C12orf42: variants seen among roughly 807,000 people sequenced by gnomAD.
C12orf42 encodes uncharacterized protein C12orf42.
In C12orf42, 25 loss-of-function variants were observed where a neutral mutation model predicts 21.6. The ratio of observed to expected loss-of-function variants is 1.16; its 90% CI spans 0.84 to 1.62. The LOEUF is 1.62. Among genes scored for constraint, C12orf42 ranks in the 40% most tolerant of loss-of-function variants. The pLI is 0.00. For synonymous variants in C12orf42, 174 were observed against 175.0 expected, an observed-to-expected ratio of 0.99 and a Z score of 0.05; for missense variants, 483 against 459.3, an observed-to-expected ratio of 1.05 and a Z score of -0.47.
chr12:103,061,747 G>A, the C12orf42 span, among the ~76,000 whole-genome samples: 2 of 151,302 alleles, frequency 1.3e-5, no homozygotes, highest in Non-Finnish European at 2.9e-5. Context: ...TTAATCTCAA[G>A]TGACATTATA....
intron 4 of C12orf42, among the ~76,000 whole-genome samples, chr12:103,355,550 G>A (rs1012349548): frequency 9.2e-5 from 14 of 152,002 alleles, no homozygotes; most frequent in Middle Eastern, 3.2e-3. Flanking sequence ...ATGGGAATTC[G>A]ATTATCCAGT....
At chr12:103,106,567 G>A in the C12orf42 span, among the ~76,000 whole-genome samples, 2 of 151,742 alleles carry the variant, frequency 1.3e-5, no homozygotes, top group Non-Finnish European at 2.9e-5. Flanking sequence ...GAGGGAATGT[G>A]GGGATATTGT....
chr12:103,491,355 C>T (rs1955173084), intron 1 of C12orf42, among the ~76,000 whole-genome samples: 1 of 152,170 alleles, frequency 6.6e-6, no homozygotes, highest in South Asian at 2.1e-4. Flanking sequence ...TGTACTATAA[C>T]AAGAGGAAAC....
At chr12:103,293,173 T>G (rs549189804) in intron 4 of C12orf42, among the ~76,000 whole-genome samples, 27 of 152,114 alleles carry the variant, frequency 1.8e-4, no homozygotes, top group Non-Finnish European at 3.5e-4. Context: ...TTCCCTTCCC[T>G]TTCAGGAACC....
At chr12:103,467,194 G>A (rs192796718) in intron 2 of C12orf42, among the ~76,000 whole-genome samples, 159 of 152,284 alleles carry the variant, frequency 1.0e-3, no homozygotes, top group Non-Finnish European at 1.3e-3. Flanking sequence ...GAGATCCCAT[G>A]TACTTACAAG....
chr12:103,090,512 G>A, the C12orf42 span, among the ~76,000 whole-genome samples: 1 of 152,178 alleles, frequency 6.6e-6, no homozygotes, highest in African/African-American at 2.4e-5. Context: ...CCACCTCATA[G>A]AGGTGTTGAG....
chr12:103,141,933 T>A, the C12orf42 span, among the ~76,000 whole-genome samples: 1 of 152,204 alleles, frequency 6.6e-6, no homozygotes, highest in Admixed American at 6.5e-5. Flanking sequence ...TGAAATTTTC[T>A]GTAATAAAAT....
Position 103,463,258 on chromosome 12 carries a change from C to G in C12orf42, c.78+15091G>C, listed in dbSNP as rs1440988384. The stretch of plus-strand genomic sequence containing the variant: ...CTGAACCCTTCCTCTTCTAGTTCTC[C>G]TTAACTTCCCTAAATAAATATTTTA... On this transcript the variant is annotated intron_variant, in intron 2 of 5. Transcript: ENST00000548883. Among the ~76,000 whole-genome samples, 3 of 152,156 alleles carry G rather than the reference C, an allele frequency of 2.0e-5. No individual in the cohort carries two copies. The East Asian group carries it at 5.8e-4, about 29-fold the overall frequency.
At chr12:103,452,778 A>G (rs939767786) in intron 2 of C12orf42, among the ~76,000 whole-genome samples, 1 of 152,124 alleles carries the variant, frequency 6.6e-6, no homozygotes, top group Non-Finnish European at 1.5e-5. Context: ...TCACAAGGAC[A>G]AAAAACCAAA....
intron 3 of C12orf42, among the ~76,000 whole-genome samples, chr12:103,391,851 T>C (rs1292349841): frequency 6.6e-6 from 1 of 152,158 alleles, no homozygotes; most frequent in Non-Finnish European, 1.5e-5. Context: ...AATTTATCTA[T>C]ATTTTCTTTT....
chr12:103,193,317 T>C, the C12orf42 span, among the ~76,000 whole-genome samples: 14 of 151,346 alleles, frequency 9.3e-5, no homozygotes, highest in Non-Finnish European at 1.8e-4. Context: ...AACAATCTCA[T>C]AGTTTACCTC....
the C12orf42 span, among the ~76,000 whole-genome samples, chr12:103,562,206 T>C: frequency 5.2e-4 from 79 of 152,338 alleles, no homozygotes; most frequent in African/African-American, 1.8e-3. Context: ...TTACTGATGC[T>C]GGAGTGTCTG....
intron 2 of C12orf42, among the ~76,000 whole-genome samples, chr12:103,465,074 G>C (rs1953014636): frequency 6.6e-6 from 1 of 151,880 alleles, no homozygotes; most frequent in Non-Finnish European, 1.5e-5. Context: ...CAATTGTCTT[G>C]GCTATACGAG....
chr12:103,352,374 G>A (rs910848832), intron 4 of C12orf42, among the ~76,000 whole-genome samples: 2 of 152,106 alleles, frequency 1.3e-5, no homozygotes, highest in East Asian at 3.9e-4. Flanking sequence ...CTATCACAAT[G>A]GCACTAAAAC....
the C12orf42 span, among the ~76,000 whole-genome samples, chr12:103,508,828 C>G: frequency 3.3e-5 from 5 of 152,186 alleles, no homozygotes; most frequent in Non-Finnish European, 7.3e-5. Context: ...ATTATTTGAT[C>G]TTTCTAAATG....
intron 4 of C12orf42, among the ~76,000 whole-genome samples, 189 bp downstream of exon 4, chr12:103,368,698 T>C (rs1233862207): frequency 6.6e-6 from 1 of 152,094 alleles, no homozygotes; most frequent in Non-Finnish European, 1.5e-5. Flanking sequence ...GAACACTGGA[T>C]CCAGCCATGC....
chr12:103,168,085 C>A, the C12orf42 span: 2 of 455,674 alleles, frequency 4.4e-6, no homozygotes, highest in Admixed American at 4.7e-5. Flanking sequence ...ATTGTGGATA[C>A]TTTTATTCAC....
intron 4 of C12orf42, among the ~76,000 whole-genome samples, chr12:103,291,186 A>G (rs2036795652): frequency 6.6e-6 from 1 of 152,200 alleles, no homozygotes; most frequent in Admixed American, 6.5e-5. Flanking sequence ...ATACAGAGAA[A>G]AGGCGTATGG....
At chr12:103,118,659 G>A in the C12orf42 span, among the ~76,000 whole-genome samples, 3 of 151,590 alleles carry the variant, frequency 2.0e-5, no homozygotes, top group Non-Finnish European at 2.9e-5. Context: ...TTAGCCAGGC[G>A]TGGTGGTGGG....
Sources: allele counts gnomAD v4.1 joint callset (sites outside exome capture counted in the v4.1 genomes callset), GRCh38; gene constraint gnomAD v4.1.1; transcripts MANE v1.5; gene names NCBI Gene and HGNC (gene_info 2026-07-23, HGNC 2026-07-21).